Variants in NHLRC2 observed in about 807,000 individuals in gnomAD.
NHLRC2 encodes the protein NHL repeat-containing protein 2.
Under a neutral mutation model 68.1 loss-of-function variants are expected in NHLRC2, and 33 were observed. The observed-to-expected ratio is 0.48, with a 90% CI of 0.37 to 0.65. The LOEUF (loss-of-function observed/expected upper bound fraction) is 0.65. Among genes scored for constraint, NHLRC2 ranks in the 30% least tolerant of loss-of-function variants. The pLI is 0.00. For missense variants in NHLRC2, 761 were observed against 853.8 expected (o/e 0.89, Z 1.35); for synonymous variants, 311 against 309.6 (o/e 1.00, Z -0.05).
intron 5 of NHLRC2, among the ~76,000 whole-genome samples, chr10:113,897,112 ATTTCTC>A: frequency 6.6e-6 from 1 of 151,792 alleles, no homozygotes; most frequent in African/African-American, 2.4e-5. Flanking sequence ...CCATGTTTTT[ATTTCTC>A]TTACCTACTG....
chr10:113,888,776 C>T (rs1320522790), intron 5 of NHLRC2, among the ~76,000 whole-genome samples: 1 of 148,846 alleles, frequency 6.7e-6, no homozygotes, highest in Non-Finnish European at 1.5e-5. Flanking sequence ...TTGTACCAGA[C>T]AACAACCTGA....
intron 5 of NHLRC2, 126 bp downstream of exon 5, chr10:113,884,506 C>T: frequency 1.6e-6 from 1 of 639,102 alleles, no homozygotes; most frequent in Non-Finnish European, 2.5e-6. Context: ...ATACCTATGC[C>T]TCAGAGTTTG....
chr10:113,857,966 A>C (rs1410379657), intron 1 of NHLRC2, among the ~76,000 whole-genome samples: 4 of 151,108 alleles, frequency 2.6e-5, no homozygotes, highest in Non-Finnish European at 4.4e-5. Context: ...ACTATTCTTA[A>C]GCTTGACCTT....
intron 5 of NHLRC2, among the ~76,000 whole-genome samples, chr10:113,888,269 AT>A (rs1465590976): frequency 6.6e-6 from 1 of 152,190 alleles, no homozygotes; most frequent in Non-Finnish European, 1.5e-5. Flanking sequence ...ACTTGTAGTT[AT>A]TAATGTGTAT....
intron 4 of NHLRC2, among the ~76,000 whole-genome samples, chr10:113,883,521 T>C (rs561270775): frequency 6.6e-6 from 1 of 152,098 alleles, no homozygotes; most frequent in South Asian, 2.1e-4. Context: ...GGTAGGTATA[T>C]GGATGTTTGT....
intron 1 of NHLRC2, among the ~76,000 whole-genome samples, chr10:113,856,557 T>C (rs995015601): frequency 2.0e-5 from 3 of 152,248 alleles, no homozygotes; most frequent in Non-Finnish European, 4.4e-5. Context: ...AAGGTAGTTA[T>C]ATAGTAAGTA....
intron 1 of NHLRC2, among the ~76,000 whole-genome samples, chr10:113,856,072 T>C (rs1296725972): frequency 6.6e-6 from 1 of 152,232 alleles, no homozygotes; most frequent in Non-Finnish European, 1.5e-5. Context: ...AAAATCGGAA[T>C]CAATTATAGC....
intron 1 of NHLRC2, 42 bp from the exon 2 acceptor site, chr10:113,858,486 C>T: frequency 2.1e-6 from 3 of 1,411,502 alleles, no homozygotes; most frequent in Middle Eastern, 1.8e-4. Context: ...TAAATTTTAT[C>T]TTTCTCTTTA....
intron 2 of NHLRC2, among the ~76,000 whole-genome samples, chr10:113,865,286 C>G (rs535794624): frequency 1.0e-4 from 14 of 139,328 alleles, no homozygotes; most frequent in Admixed American, 2.1e-4. Context: ...TTTCATCCCC[C>G]CCCCCCGTTC....
rs76492094 is a variant in NHLRC2, at chr10:113,872,324, T to C, written c.332-4197T>C. On this transcript the variant is annotated intron_variant, in intron 2 of 10. Transcript: ENST00000369301. ...CACCAATGCTATTCATCAATGAAAC[T>C]GCCCAGAAAAAGGGAACTGTCAGAA... Among the ~76,000 whole-genome samples, 411 of 152,212 alleles carry C rather than the reference T, an allele frequency of 2.7e-3. 2 individuals are homozygous for C. The highest frequency in any genetic ancestry group is 9.6e-3 in the African/African-American group (400 of 41,530).
In NHLRC2 at chr10:113,876,995, T is replaced by A; in HGVS notation, c.787+19T>A. 2.1e-6 allele frequency: 3 copies of A among 1,407,038 alleles called. No homozygotes were observed. The highest frequency in any genetic ancestry group is 1.9e-6 in the Non-Finnish European group (2 of 1,030,946). 87.2% of individuals were successfully genotyped at this position (1,407,038 alleles called of 1,614,324 possible). On this transcript the variant is annotated intron_variant, in intron 3 of 10. Coordinates refer to ENST00000369301, the MANE Select transcript of NHLRC2 (RefSeq NM_198514.4). ...ATTGGAGGTAAAACTTGCTTCTGATTACGATAGATAACGTGTTTTACAGTA... is the reference window on the plus strand; with the variant it reads ...ATTGGAGGTAAAACTTGCTTCTGATAACGATAGATAACGTGTTTTACAGTA...
Position 113,915,223 on chromosome 10 carries a change from A to G in NHLRC2, c.*6687A>G, listed in dbSNP as rs1026104937. 5.9e-5 allele frequency: 27 copies of G among 456,210 alleles called. No individual in the cohort carries two copies. Among genetic ancestry groups the G allele is most frequent in the African/African-American group, 5.0e-4 (25 of 50,086 alleles). The allele number at this position is 456,210 out of a possible 1,614,324, so 28.3% of individuals were successfully genotyped here. A position where few individuals can be genotyped will look rare whatever the true frequency, so the allele number is the denominator to read the frequency against. On this transcript the variant is annotated 3_prime_UTR_variant, in exon 11 of 11. Transcript: ENST00000369301. ...TGTTCTGTTGAAAGCCACAGGACCA[A>G]AAGGAAAATATTGCAACTATTTGCA... is the stretch of plus-strand genomic sequence containing the variant.
At chr10:113,891,690 A>G (rs886214977) in intron 5 of NHLRC2, among the ~76,000 whole-genome samples, 2 of 152,264 alleles carry the variant, frequency 1.3e-5, no homozygotes, top group Admixed American at 6.5e-5. Flanking sequence ...ATGAAGCCAC[A>G]TGGTGGTTCC....
intron 5 of NHLRC2, among the ~76,000 whole-genome samples, chr10:113,889,777 T>C (rs1846115057): frequency 6.6e-6 from 1 of 152,142 alleles, no homozygotes; most frequent in Non-Finnish European, 1.5e-5. Flanking sequence ...AGTGATCTCT[T>C]TCCTGTTCTC....
chr10:113,894,656 G>A (rs1846162329), intron 5 of NHLRC2, among the ~76,000 whole-genome samples: 1 of 151,678 alleles, frequency 6.6e-6, no homozygotes, highest in Non-Finnish European at 1.5e-5. Flanking sequence ...TTTTATTCTC[G>A]GGGATGTTTG....
At chr10:113,884,065 A>G (rs540640566) in intron 4 of NHLRC2, among the ~76,000 whole-genome samples, 186 bp from the exon 5 acceptor site, 2 of 151,972 alleles carry the variant, frequency 1.3e-5, no homozygotes, top group East Asian at 3.9e-4. Flanking sequence ...TGGGATATGA[A>G]AGGGACTGAT....
intron 5 of NHLRC2, among the ~76,000 whole-genome samples, chr10:113,891,851 G>A (rs974979475): frequency 1.4e-4 from 21 of 152,286 alleles, no homozygotes; most frequent in African/African-American, 4.8e-4. Flanking sequence ...AGGATGTGGG[G>A]AGCTTTTTCA....
rs1332479124 is a variant in NHLRC2 at position 113,916,539 on chromosome 10, T to C, written c.*8003T>C. On this transcript the variant is annotated 3_prime_UTR_variant, in exon 11 of 11. Transcript: ENST00000369301. ...AATTATATTTTACATAGGCTGTTTT[T>C]TTTAAGTTTAAATTCTCACTGTTAA... 2.0e-5 allele frequency: 3 copies of C among 152,228 alleles called. No homozygotes were observed. 9.4% of individuals were successfully genotyped at this position (152,228 alleles called of 1,614,324 possible). A position where few individuals can be genotyped will look rare whatever the true frequency, so the allele number is the denominator to read the frequency against.
In NHLRC2 at chr10:113,903,677, G is replaced by A. The variant is rs377500389; in HGVS notation, c.1645G>A (p.Ala549Thr). 4.6e-5 allele frequency: 74 copies of A among 1,602,286 alleles called. No individual in the cohort carries two copies. Among genetic ancestry groups the A allele is most frequent in the Non-Finnish European group, 6.2e-5 (72 of 1,169,538 alleles). ...AGAGAATGGAGAATTATTATATGTA[G>A]CAGACACCAATAATCATCAAATTAA... The part of the protein sequence containing the change: ...IGENGELLYV[A>T]DTNNHQIKVM... The change falls in exon 9 of 11, where the codon GCA becomes ACA. Residue 549 changes from alanine (A) to threonine (T), a missense_variant. Transcript: ENST00000369301.
Sources: allele counts gnomAD v4.1 joint callset (sites outside exome capture counted in the v4.1 genomes callset), GRCh38; gene constraint gnomAD v4.1.1; transcripts MANE v1.5; gene names NCBI Gene and HGNC (gene_info 2026-07-23, HGNC 2026-07-21).